SPOCK1: variants seen among roughly 807,000 people sequenced by gnomAD.
SPOCK1 encodes testican-1.
A neutral mutation model predicts 55.3 loss-of-function variants in SPOCK1; 23 were observed. The observed-to-expected ratio is 0.42, with a 90% CI of 0.30 to 0.59. The LOEUF is 0.59. Ranked by LOEUF, SPOCK1 falls within the 20% of genes least tolerant of loss-of-function variation. The pLI, the probability that SPOCK1 is intolerant of heterozygous loss-of-function variation, is 0.22. For missense variants in SPOCK1, 499 were observed against 552.5 expected, an observed-to-expected ratio of 0.90 and a Z score of 0.97; for synonymous variants, 226 against 221.0, an observed-to-expected ratio of 1.02 and a Z score of -0.20.
chr5:137,367,063 G>A (rs1246283343), intron 2 of SPOCK1, among the ~76,000 whole-genome samples: 1 of 152,198 alleles, frequency 6.6e-6, no homozygotes, highest in Non-Finnish European at 1.5e-5. Context: ...CAATTCACAT[G>A]TTCACATATC....
intron 2 of SPOCK1, among the ~76,000 whole-genome samples, chr5:137,268,751 A>G (rs572560742): frequency 2.0e-5 from 3 of 152,202 alleles, no homozygotes; most frequent in Non-Finnish European, 4.4e-5. Context: ...TCATCCTTCC[A>G]ACTGTGGTTT....
chr5:137,313,911 C>T (rs143255446), intron 2 of SPOCK1, among the ~76,000 whole-genome samples: 5 of 149,070 alleles, frequency 3.4e-5, no homozygotes, highest in Admixed American at 6.8e-5. Flanking sequence ...AACTGACATA[C>T]GCTCACAACA....
intron 2 of SPOCK1, among the ~76,000 whole-genome samples, chr5:137,358,578 G>T (rs1178641518): frequency 6.6e-6 from 1 of 151,442 alleles, no homozygotes; most frequent in Admixed American, 6.6e-5. Flanking sequence ...GGAAGGGGAA[G>T]GGGGAGATAA....
chr5:137,255,988 G>A (rs567250262), intron 3 of SPOCK1, among the ~76,000 whole-genome samples: 16 of 152,296 alleles, frequency 1.1e-4, no homozygotes, highest in South Asian at 2.1e-4. Flanking sequence ...TCTGCTAAGC[G>A]GTTCCTCCTG....
At chr5:137,395,141 C>A (rs1299040265) in intron 2 of SPOCK1, among the ~76,000 whole-genome samples, 1 of 152,212 alleles carries the variant, frequency 6.6e-6, no homozygotes, top group Non-Finnish European at 1.5e-5. Context: ...GGTCCCAGAA[C>A]ACTGCATTTC....
intron 2 of SPOCK1, among the ~76,000 whole-genome samples, chr5:137,484,508 C>A (rs544082260): frequency 1.3e-5 from 2 of 152,186 alleles, no homozygotes; most frequent in Non-Finnish European, 2.9e-5. Context: ...CATAACCTGG[C>A]ATGCCATGTT....
chr5:137,375,951 C>A (rs1751304698), intron 2 of SPOCK1, among the ~76,000 whole-genome samples: 1 of 152,208 alleles, frequency 6.6e-6, no homozygotes, highest in Non-Finnish European at 1.5e-5. Flanking sequence ...AGAATGCTCC[C>A]TTCCTCTGCG....
intron 3 of SPOCK1, among the ~76,000 whole-genome samples, chr5:137,202,136 G>T (rs1234116447): frequency 6.6e-6 from 1 of 152,156 alleles, no homozygotes; most frequent in Non-Finnish European, 1.5e-5. Flanking sequence ...CAATCATACT[G>T]ATCCCATTCT....
chr5:137,422,424 A>G (rs12153259), intron 2 of SPOCK1, among the ~76,000 whole-genome samples: 7,421 of 152,306 alleles, frequency 0.049, 270 homozygotes, highest in African/African-American at 0.098. Flanking sequence ...AGGTACACCA[A>G]TCAGACGTAG....
intron 5 of SPOCK1, among the ~76,000 whole-genome samples, chr5:137,108,042 C>T (rs1394534346): frequency 2.6e-5 from 4 of 152,238 alleles, no homozygotes; most frequent in South Asian, 2.1e-4. Flanking sequence ...TTCCTGACAC[C>T]GATGATCCAA....
chr5:137,374,659 C>T (rs1374366172), intron 2 of SPOCK1, among the ~76,000 whole-genome samples: 1 of 152,170 alleles, frequency 6.6e-6, no homozygotes, highest in Admixed American at 6.5e-5. Context: ...ACACTGACTA[C>T]AGTGATGACA....
At chr5:137,156,132 C>T (rs947389129) in intron 3 of SPOCK1, among the ~76,000 whole-genome samples, 7 of 152,104 alleles carry the variant, frequency 4.6e-5, no homozygotes, top group African/African-American at 1.4e-4. Flanking sequence ...GCATTCCTGG[C>T]TCCTCAGGTC....
chr5:137,217,070 GA>G (rs1196342746), intron 3 of SPOCK1, among the ~76,000 whole-genome samples: 1 of 152,102 alleles, frequency 6.6e-6, no homozygotes, highest in African/African-American at 2.4e-5. Flanking sequence ...TGGGAACAGA[GA>G]ACAAGACAGG....
chr5:136,978,540 T>C lies in SPOCK1; in HGVS notation c.*114A>G, dbSNP rs928763532. 8.5e-7 allele frequency: 1 copy of C among 1,181,398 alleles called. No homozygotes were observed. The highest frequency in any genetic ancestry group is 2.5e-5 in the Admixed American group (1 of 39,514). 73.2% of individuals were successfully genotyped at this position (1,181,398 alleles called of 1,614,324 possible). A position where few individuals can be genotyped will look rare whatever the true frequency, so the allele number is the denominator to read the frequency against. ...TGTCTTCCAAACCTTAGGTCGGGTATAGAGAGCAACAATGGAGAAGAGACC... is the reference window on the plus strand; with the variant it reads ...TGTCTTCCAAACCTTAGGTCGGGTACAGAGAGCAACAATGGAGAAGAGACC... On this transcript the variant is annotated 3_prime_UTR_variant, in exon 11 of 11. Coordinates refer to ENST00000394945, the MANE Select transcript of SPOCK1 (RefSeq NM_004598.4).
intron 3 of SPOCK1, among the ~76,000 whole-genome samples, chr5:137,244,380 G>A (rs561486467): frequency 1.8e-4 from 27 of 151,910 alleles, no homozygotes; most frequent in Admixed American, 1.1e-3. Flanking sequence ...TCCACTATGC[G>A]ATTTTCAAAA....
intron 2 of SPOCK1, among the ~76,000 whole-genome samples, chr5:137,497,497 G>A (rs2149847037): frequency 6.6e-6 from 1 of 152,344 alleles, no homozygotes; most frequent in East Asian, 1.9e-4. Flanking sequence ...GCCCTGGCCA[G>A]CTGGGGCAGT....
At chr5:137,111,815 A>C (rs528315047) in intron 5 of SPOCK1, among the ~76,000 whole-genome samples, 19 of 152,240 alleles carry the variant, frequency 1.2e-4, no homozygotes, top group African/African-American at 4.1e-4. Flanking sequence ...CCCTCCAATA[A>C]ATATAAATAG....
At chr5:137,446,822 C>A (rs549059104) in intron 2 of SPOCK1, among the ~76,000 whole-genome samples, 2 of 152,332 alleles carry the variant, frequency 1.3e-5, no homozygotes, top group Non-Finnish European at 2.9e-5. Flanking sequence ...CCCTTCCCTG[C>A]AGCTCTTGGC....
intron 3 of SPOCK1, among the ~76,000 whole-genome samples, chr5:137,172,497 A>G (rs1388078756): frequency 1.3e-5 from 2 of 152,146 alleles, no homozygotes; most frequent in African/African-American, 4.8e-5. Context: ...CTGTGCATCA[A>G]TATTTCATGC....
Sources: gnomAD v4.1 joint callset for allele counts (sites outside exome capture counted in the v4.1 genomes callset) on GRCh38, gnomAD v4.1.1 for gene constraint, MANE v1.5 for transcripts, NCBI Gene and HGNC (gene_info 2026-07-23, HGNC 2026-07-21) for gene names.